CNBD2: variants seen among roughly 807,000 people sequenced by gnomAD.
CNBD2 encodes cyclic nucleotide-binding domain-containing protein 2.
In CNBD2, 64 loss-of-function variants were observed where a neutral mutation model predicts 63.7. The ratio of observed to expected loss-of-function variants is 1.00; its 90% confidence interval spans 0.82 to 1.24. The LOEUF (loss-of-function observed/expected upper bound fraction) is 1.24, where lower values mean the gene tolerates loss of function less well. CNBD2 is among the 50% of genes most tolerant of loss of function. CNBD2 has a pLI of 0.00. For missense variants in CNBD2, 691 were observed against 713.5 expected (o/e 0.97, Z 0.36); for synonymous variants, 229 against 255.4 (o/e 0.90, Z 0.99).
intron 7 of CNBD2, among the ~76,000 whole-genome samples, chr20:35,992,583 G>A (rs1286272964): frequency 6.6e-6 from 1 of 152,130 alleles, no homozygotes; most frequent in Non-Finnish European, 1.5e-5. Context: ...CAGCAAGGTA[G>A]GGAGCTCTTG....
At position 36,030,594 on chromosome 20, in the gene CNBD2, G is replaced by A; in HGVS notation, c.1677G>A (p.Arg559=). The change falls in exon 12 of 12, where the codon AGG becomes AGA. Residue 559 remains arginine (R), a synonymous_variant. Coordinates refer to ENST00000373973, the MANE Select transcript of CNBD2 (RefSeq NM_001365709.1). The stretch of plus-strand genomic sequence containing the variant: ...CCCAGAAATACCTCCCCCCATTGAG[G>A]ATTGTCCAAGCCATCAAAGCACCTC... The part of the protein sequence containing the change: ...MAPQKYLPPL[R]IVQAIKAPRY... 1 of 1,614,158 alleles carries A rather than the reference G, an allele frequency of 6.2e-7. No homozygotes were observed. The highest frequency in any genetic ancestry group is 8.5e-7 in the Non-Finnish European group (1 of 1,180,038).
intron 11 of CNBD2, among the ~76,000 whole-genome samples, chr20:36,027,032 T>G (rs1456769170): frequency 6.6e-6 from 1 of 152,238 alleles, no homozygotes; most frequent in Non-Finnish European, 1.5e-5. Context: ...TGAAAAACAC[T>G]GAACAGCAAA....
chr20:35,980,948 C>A (rs1293425823), intron 4 of CNBD2, among the ~76,000 whole-genome samples: 1 of 152,126 alleles, frequency 6.6e-6, no homozygotes, highest in Non-Finnish European at 1.5e-5. Context: ...GTCACCCAGA[C>A]AAAAAGAAAC....
intron 8 of CNBD2, among the ~76,000 whole-genome samples, chr20:36,002,022 G>T (rs1185574685): frequency 6.6e-6 from 1 of 152,236 alleles, no homozygotes; most frequent in Non-Finnish European, 1.5e-5. Flanking sequence ...TGCACTCTCG[G>T]CACTTTGGGA....
chr20:36,015,767 G>C lies in CNBD2; in HGVS notation c.1269+4510G>C, dbSNP rs1049387579. Among the ~76,000 whole-genome samples the C allele has an allele frequency of 4.1e-4, 63 of 152,274 alleles. 1 individual carries two copies. The highest frequency in any genetic ancestry group is 1.4e-3 in the African/African-American group (59 of 41,546). On this transcript the variant is annotated intron_variant, in intron 10 of 11. Coordinates refer to ENST00000373973, the MANE Select transcript of CNBD2 (RefSeq NM_001365709.1). ...AAATAAACATTCATGAGTGCATATTGATATAAATGAATTAATAATGAATTA... is the reference window on the plus strand; with the variant it reads ...AAATAAACATTCATGAGTGCATATTCATATAAATGAATTAATAATGAATTA...
chr20:36,008,590 C>T (rs2057016139), intron 9 of CNBD2, 116 bp downstream of exon 9: 1 of 1,052,058 alleles, frequency 9.5e-7, no homozygotes, highest in Non-Finnish European at 1.3e-6. Context: ...GGACACAGGT[C>T]AATCCCAAAG....
chr20:36,003,841 G>A (rs1189430603), intron 8 of CNBD2, among the ~76,000 whole-genome samples: 2 of 149,868 alleles, frequency 1.3e-5, no homozygotes, highest in Admixed American at 6.7e-5. Context: ...AGGAATTCAA[G>A]ACCAGCTTGG....
chr20:35,954,964 A>G, exon 1 of CNBD2: 1 of 211,266 alleles, frequency 4.7e-6, no homozygotes, highest in Non-Finnish European at 1.1e-5. Flanking sequence ...TCAAACTAGG[A>G]GGGCGATAGC....
chr20:35,958,264 C>G (rs1442646350), downstream of CNBD2, among the ~76,000 whole-genome samples: 1 of 152,000 alleles, frequency 6.6e-6, no homozygotes, highest in Non-Finnish European at 1.5e-5. Flanking sequence ...AATCCCATAT[C>G]TACTAAAAAT....
chr20:35,968,487 T>G, upstream of CNBD2: 1 of 349,592 alleles, frequency 2.9e-6, no homozygotes. Flanking sequence ...ATAATGCCTG[T>G]GAGTATCCCA....
upstream of CNBD2, among the ~76,000 whole-genome samples, chr20:35,966,965 T>G (rs2147184888): frequency 1.3e-5 from 2 of 152,328 alleles, no homozygotes; most frequent in South Asian, 2.1e-4. Context: ...CTAGAGCAAG[T>G]GTATCTGTGT....
chr20:36,026,055 A>T (rs2057279251), intron 11 of CNBD2, among the ~76,000 whole-genome samples: 1 of 151,942 alleles, frequency 6.6e-6, no homozygotes. Context: ...TGTGTGAGAG[A>T]TGGGGTCTCA....
At chr20:35,978,344 ATTT>A (rs146244036) in intron 3 of CNBD2, among the ~76,000 whole-genome samples, 24 of 137,064 alleles carry the variant, frequency 1.8e-4, no homozygotes, top group Non-Finnish European at 3.2e-4. Context: ...CGCCTGGCTA[ATTT>A]TTTTTTTTTT....
chr20:35,990,551 C>T (rs2056731505), intron 7 of CNBD2, among the ~76,000 whole-genome samples: 1 of 152,020 alleles, frequency 6.6e-6, no homozygotes. Context: ...TTGCTTGAAC[C>T]TAGGAGGTGG....
intron 10 of CNBD2, among the ~76,000 whole-genome samples, chr20:36,022,148 A>C (rs6060757): frequency 0.29 from 42,590 of 146,852 alleles, 7,930 homozygotes; most frequent in African/African-American, 0.53. Context: ...AGCTGGGATT[A>C]CAGGCACCGG....
intron 10 of CNBD2, 34 bp from the exon 11 acceptor site, chr20:36,023,568 C>T (rs756093446): frequency 1.3e-6 from 2 of 1,518,618 alleles, no homozygotes; most frequent in Non-Finnish European, 1.8e-6. Flanking sequence ...CCTGGCCAGT[C>T]TCTGAGGTCT....
At chr20:36,000,753 ATTTTTTTTT>A (rs34139279) in intron 8 of CNBD2, among the ~76,000 whole-genome samples, 1 of 121,622 alleles carries the variant, frequency 8.2e-6, no homozygotes, top group South Asian at 2.8e-4. Context: ...TGTGTATGAA[ATTTTTTTTT>A]TTTTTTTTTT....
At chr20:36,019,532 A>G (rs1371716929) in intron 10 of CNBD2, among the ~76,000 whole-genome samples, 3 of 90,106 alleles carry the variant, frequency 3.3e-5, no homozygotes, top group South Asian at 6.5e-4. Context: ...AAAAAAAGAA[A>G]AAAAAAAAAA....
intron 6 of CNBD2, among the ~76,000 whole-genome samples, chr20:35,985,428 A>C (rs1050854634): frequency 1.1e-4 from 17 of 151,382 alleles, no homozygotes; most frequent in African/African-American, 3.9e-4. Flanking sequence ...GGCCTCCTAA[A>C]GTGCTGGGAT....
Sources: allele counts gnomAD v4.1 joint callset (sites outside exome capture counted in the v4.1 genomes callset), GRCh38; gene constraint gnomAD v4.1.1; transcripts MANE v1.5; gene names NCBI Gene and HGNC (gene_info 2026-07-23, HGNC 2026-07-21).